NR2F1: variants seen among roughly 807,000 people sequenced by gnomAD.
NR2F1 encodes the protein COUP transcription factor 1.
In NR2F1, 1 loss-of-function variant was observed where a neutral mutation model predicts 37.7. The observed-to-expected ratio is 0.03, with a 90% CI of 0.01 to 0.13. The LOEUF (loss-of-function observed/expected upper bound fraction) is 0.13. Among genes scored for constraint, NR2F1 ranks in the 10% least tolerant of loss-of-function variants. NR2F1 has a pLI of 1.00. For missense variants in NR2F1, 268 were observed against 578.4 expected (o/e 0.46, Z 5.50); for synonymous variants, 275 against 259.6 (o/e 1.06, Z -0.57).
In NR2F1 at chr5:93,593,298, T is replaced by G. The variant is rs75312970; in HGVS notation, c.992-264T>G. Reference sequence around the variant, plus strand: ...GACTAGAGAGGTTTCTGCCTCTGCATGTGTGTGCCTCTCTCTCCAGCTCCC... The same window carrying G: ...GACTAGAGAGGTTTCTGCCTCTGCAGGTGTGTGCCTCTCTCTCCAGCTCCC... On this transcript the variant is annotated intron_variant, in intron 2 of 2. Transcript: ENST00000327111. This position sits in a 1 kb window ranked among gnomAD's most constrained non-coding sequence, Gnocchi z 5.6. Among the ~76,000 whole-genome samples, 1 of 152,002 alleles carries G rather than the reference T, an allele frequency of 6.6e-6. No individual in the cohort carries two copies. The highest frequency in any genetic ancestry group is 1.5e-5 in the Non-Finnish European group (1 of 67,990).
chr5:93,587,846 C>G, intron 1 of NR2F1, 71 bp from the exon 2 acceptor site: 1 of 1,457,936 alleles, frequency 6.9e-7, no homozygotes, highest in Non-Finnish European at 9.3e-7. Context: ...GTGTTGGGTA[C>G]GCTGCGGCGC....
intron 1 of NR2F1, chr5:93,587,201 C>T (rs1426244598): frequency 1.3e-5 from 2 of 152,146 alleles, no homozygotes; most frequent in Non-Finnish European, 2.9e-5. Context: ...GCAGGACAGA[C>T]ATTAATTATA....
chr5:93,593,152 G>A lies in NR2F1; in HGVS notation c.992-410G>A, dbSNP rs1011564808. On this transcript the variant is annotated intron_variant, in intron 2 of 2. Coordinates refer to ENST00000327111, the MANE Select transcript of NR2F1 (RefSeq NM_005654.6). This position sits in a 1 kb window ranked among gnomAD's most constrained non-coding sequence, Gnocchi z 5.6. The stretch of plus-strand genomic sequence containing the variant: ...CAGATCAGAGGCAAATGGGGCAAAA[G>A]TTAATGAGCACGGCCAGAAAGATGC... Among the ~76,000 whole-genome samples the A allele has an allele frequency of 2.6e-5, 4 of 152,212 alleles. No homozygotes were observed. Among genetic ancestry groups the A allele is most frequent in the African/African-American group, 9.7e-5 (4 of 41,442 alleles).
At chr5:93,592,411 G>A (rs1753346028) in intron 2 of NR2F1, among the ~76,000 whole-genome samples, 1 of 151,868 alleles carries the variant, frequency 6.6e-6, no homozygotes, top group Admixed American at 6.6e-5. Context: ...AAACAAGTGG[G>A]TATTTGAACT....
Position 93,593,369 on chromosome 5 carries a change from G to A in NR2F1, c.992-193G>A, listed in dbSNP as rs1753366635. On this transcript the variant is annotated intron_variant, in intron 2 of 2. Transcript: ENST00000327111. This position sits in a 1 kb window ranked among gnomAD's most constrained non-coding sequence, Gnocchi z 5.6. ...ATTTATTTTTATTTGTATTGTATTG[G>A]GGGCGGGGGAGGAGGGAATGAAGAA... Among the ~76,000 whole-genome samples, 1 of 152,082 alleles carries A rather than the reference G, an allele frequency of 6.6e-6. No individual in the cohort carries two copies. Among genetic ancestry groups the A allele is most frequent in the Admixed American group, 6.5e-5 (1 of 15,274 alleles).
intron 2 of NR2F1, among the ~76,000 whole-genome samples, chr5:93,591,330 C>G (rs1257978286): frequency 6.6e-6 from 1 of 152,214 alleles, no homozygotes; most frequent in African/African-American, 2.4e-5. Context: ...TCACCACAAC[C>G]CCCTAGTTGA....
rs1360109334 is a variant in NR2F1, at chr5:93,588,041, G to T, written c.588G>T (p.Glu196Asp). 6.2e-7 allele frequency: 1 copy of T among 1,614,068 alleles called. No individual in the cohort carries two copies. Among genetic ancestry groups the T allele is most frequent in the Admixed American group, 1.7e-5 (1 of 60,034 alleles). The change falls in exon 2 of 3, where the codon GAG becomes GAT. Residue 196 changes from glutamate to aspartate, a missense_variant. Physicochemically the swap from Glu to Asp is conservative, Grantham distance 45. Around this residue, in one of 5 missense-constraint regions of NR2F1, gnomAD observed 42 missense variants for 72.5 expected, o/e 0.58. Transcript: ENST00000327111. ...ACATCTCGCTGCTGCTGCGCGCCGA[G>T]CCCTACCCCACGTCGCGCTACGGCA... ...SGYISLLLRAEPYPTSRYGSQ... is the reference protein window; with the variant it reads ...SGYISLLLRADPYPTSRYGSQ...
intron 2 of NR2F1, among the ~76,000 whole-genome samples, chr5:93,590,148 A>G (rs908428356): frequency 6.6e-6 from 1 of 152,224 alleles, no homozygotes; most frequent in African/African-American, 2.4e-5. Context: ...GCTCTCTACT[A>G]CCAGGCTCTT....
In NR2F1 at chr5:93,590,915, C is replaced by T. The variant is rs1005608838; in HGVS notation, c.991+2471C>T. 5.9e-5 allele frequency among the ~76,000 whole-genome samples: 9 copies of T among 152,374 alleles called. 1 individual carries two copies. The South Asian group carries it at 6.2e-4, about 11-fold the overall frequency. Reference sequence around the variant, plus strand: ...TTTTTAAAAAATTCATTAGTTCATACACCTAAATATTCCTTCAAATAAATG... The same window carrying T: ...TTTTTAAAAAATTCATTAGTTCATATACCTAAATATTCCTTCAAATAAATG... On this transcript the variant is annotated intron_variant, in intron 2 of 2. Transcript: ENST00000327111.
rs777340120 is a variant in NR2F1 at position 93,588,453 on chromosome 5, G to A, written c.991+9G>A. 9 of 1,557,712 alleles carry A rather than the reference G, an allele frequency of 5.8e-6. No homozygotes were observed. Among genetic ancestry groups the A allele is most frequent in the Admixed American group, 1.8e-5 (1 of 55,360 alleles). On this transcript the variant is annotated intron_variant, in intron 2 of 2. Coordinates refer to ENST00000327111, the MANE Select transcript of NR2F1 (RefSeq NM_005654.6). The stretch of plus-strand genomic sequence containing the variant: ...CGTGCTGTTCACGTCAGGTGAGGCT[G>A]CGGTCGCGGGGAGGGCAGGCCGCGC...
intron 1 of NR2F1, among the ~76,000 whole-genome samples, chr5:93,586,263 A>G (rs1338611726): frequency 6.6e-6 from 1 of 152,054 alleles, no homozygotes; most frequent in Non-Finnish European, 1.5e-5. Flanking sequence ...TTCTTCATCA[A>G]ACTCCACCCT....
At chr5:93,585,705 C>T (rs35872199) in intron 1 of NR2F1, 5 of 564,662 alleles carry the variant, frequency 8.9e-6, no homozygotes, top group African/African-American at 7.6e-5. Flanking sequence ...CTCATCTCCC[C>T]GGCTCCCCCA....
At chr5:93,588,854 C>A (rs1228366725) in intron 2 of NR2F1, among the ~76,000 whole-genome samples, 1 of 151,558 alleles carries the variant, frequency 6.6e-6, no homozygotes, top group Non-Finnish European at 1.5e-5. Context: ...TATGTGTGAG[C>A]CAGAGCTCAG....
chr5:93,593,956 G>A lies in NR2F1; in HGVS notation c.*114G>A. 2.9e-6 allele frequency: 3 copies of A among 1,032,970 alleles called. No homozygotes were observed. The highest frequency in any genetic ancestry group is 4.2e-6 in the Non-Finnish European group (3 of 705,892). The allele number at this position is 1,032,970 out of a possible 1,614,324, so 64.0% of individuals were successfully genotyped here. ...AAGTGCAGCGGGCCAGGCAGGCTGG[G>A]TGGGAGGGAGGAGGGCCGAGACAGG... On this transcript the variant is annotated 3_prime_UTR_variant, in exon 3 of 3. Coordinates refer to ENST00000327111, the MANE Select transcript of NR2F1 (RefSeq NM_005654.6). The surrounding 1 kb of genome is among the most constrained non-coding windows in gnomAD (Gnocchi z 5.6).
At chr5:93,588,482 C>T in intron 2 of NR2F1, 38 bp downstream of exon 2, 2 of 1,443,158 alleles carry the variant, frequency 1.4e-6, no homozygotes, top group Non-Finnish European at 9.1e-7. Context: ...GCCGCGCCGG[C>T]AGCGAGCGCA....
rs1414022745 is a variant in NR2F1, at chr5:93,585,006, C to T, written c.-18C>T. 1.0e-6 allele frequency: 1 copy of T among 998,500 alleles called. No homozygotes were observed. The highest frequency in any genetic ancestry group is 1.2e-6 in the Non-Finnish European group (1 of 838,722). 61.9% of individuals were successfully genotyped at this position (998,500 alleles called of 1,614,324 possible). ...GCGAGCAGCTCGGCTCCCCCCAGCG[C>T]TCCCCGGGCCCAAAGATATGGCAAT... On this transcript the variant is annotated 5_prime_UTR_variant, in exon 1 of 3. Transcript: ENST00000327111.
chr5:93,585,600 C>A, intron 1 of NR2F1, 114 bp downstream of exon 1: 2 of 829,756 alleles, frequency 2.4e-6, no homozygotes, highest in Non-Finnish European at 3.8e-6. Context: ...GGTCCCGGCC[C>A]GTCCCAGCTT....
At chr5:93,589,011 T>G (rs1322727375) in intron 2 of NR2F1, among the ~76,000 whole-genome samples, 1 of 152,044 alleles carries the variant, frequency 6.6e-6, no homozygotes, top group African/African-American at 2.4e-5. Flanking sequence ...ATCATAATAA[T>G]CCCGCTTTAT....
intron 2 of NR2F1, among the ~76,000 whole-genome samples, chr5:93,591,364 C>T (rs1005430082): frequency 2.6e-5 from 4 of 152,158 alleles, no homozygotes; most frequent in Non-Finnish European, 1.5e-5. Context: ...ACCTTCTGTC[C>T]ACAGTTGAGG....
Sources: gnomAD v4.1 joint callset for allele counts (sites outside exome capture counted in the v4.1 genomes callset) on GRCh38, gnomAD v4.1.1 for gene constraint, gnomAD v4.1.1 regional missense constraint, Gnocchi (gnomAD v3.1) non-coding constraint, MANE v1.5 for transcripts, NCBI Gene and HGNC (gene_info 2026-07-23, HGNC 2026-07-21) for gene names.